LRBA: variants seen among roughly 807,000 people sequenced by gnomAD.
LRBA encodes the protein lipopolysaccharide-responsive and beige-like anchor protein.
Under a neutral mutation model 330.0 loss-of-function variants are expected in LRBA, and 176 were observed. That is an observed-to-expected ratio of 0.53 (90% CI 0.47 to 0.60). The LOEUF (loss-of-function observed/expected upper bound fraction) is 0.60. Ranked by LOEUF, LRBA falls within the 20% of genes least tolerant of loss-of-function variation. The pLI, the probability that LRBA is intolerant of heterozygous loss-of-function variation, is 0.00. For missense variants in LRBA, 3,259 were observed against 3,444.8 expected (o/e 0.95, Z 1.35); for synonymous variants, 1,230 against 1,193.0 (o/e 1.03, Z -0.64).
chr4:150,331,545 C>T (rs571544271), intron 48 of LRBA, among the ~76,000 whole-genome samples: 56 of 152,204 alleles, frequency 3.7e-4, no homozygotes, highest in South Asian at 3.5e-3. Context: ...ATCTTAAAGT[C>T]GGGTCAATCT....
chr4:150,448,193 T>C (rs1281707979), intron 44 of LRBA, among the ~76,000 whole-genome samples: 4 of 152,272 alleles, frequency 2.6e-5, no homozygotes, highest in South Asian at 2.1e-4. Context: ...ATTAATGGGA[T>C]TGTATCTAAG....
Position 150,700,671 on chromosome 4 carries a change from ACT to A in LRBA, c.5755-16956_5755-16955del, listed in dbSNP as rs201117266. Among the ~76,000 whole-genome samples the A allele has an allele frequency of 2.5e-4, 38 of 151,798 alleles. No homozygotes were observed. In the East Asian group the frequency reaches 6.4e-3, roughly 25 times the overall value. On this transcript the variant is annotated intron_variant, in intron 36 of 56. Coordinates refer to ENST00000651943, the MANE Select transcript of LRBA (RefSeq NM_001364905.1). ...ACTTAAAATTTTTTAAAATTGTTTA[ACT>A]CTTTTTTAATAACACAGTTTAAAAT...
intron 44 of LRBA, among the ~76,000 whole-genome samples, chr4:150,442,103 T>C (rs1751918381): frequency 6.6e-6 from 1 of 152,132 alleles, no homozygotes; most frequent in African/African-American, 2.4e-5. Context: ...GTAAGAAAGT[T>C]CTGGGAAATT....
chr4:150,305,123 G>A (rs545936071), intron 52 of LRBA, among the ~76,000 whole-genome samples: 2 of 152,310 alleles, frequency 1.3e-5, no homozygotes, highest in African/African-American at 4.8e-5. Flanking sequence ...GGTACTTGAG[G>A]TAGACGACAT....
intron 11 of LRBA, among the ~76,000 whole-genome samples, chr4:150,906,695 A>G (rs965401144): frequency 1.1e-4 from 16 of 152,228 alleles, no homozygotes; most frequent in African/African-American, 3.9e-4. Flanking sequence ...GCAACTTCCA[A>G]AAACAACCAA....
At chr4:150,575,162 C>CT (rs1416338538) in intron 40 of LRBA, among the ~76,000 whole-genome samples, 1 of 151,810 alleles carries the variant, frequency 6.6e-6, no homozygotes, top group Non-Finnish European at 1.5e-5. Context: ...TATATCCTAG[C>CT]TTTATATCAG....
intron 40 of LRBA, among the ~76,000 whole-genome samples, chr4:150,528,918 C>T (rs1581590610): frequency 6.6e-6 from 1 of 152,104 alleles, no homozygotes; most frequent in African/African-American, 2.4e-5. Flanking sequence ...ATATGAGATG[C>T]TAAATTACAA....
intron 40 of LRBA, among the ~76,000 whole-genome samples, chr4:150,529,073 T>C (rs1763785602): frequency 6.6e-6 from 1 of 152,204 alleles, no homozygotes; most frequent in African/African-American, 2.4e-5. Context: ...CCAGGACTTA[T>C]GGGTTTAAAA....
At chr4:150,572,405 G>T (rs1459622080) in intron 40 of LRBA, among the ~76,000 whole-genome samples, 1 of 152,046 alleles carries the variant, frequency 6.6e-6, no homozygotes, top group Non-Finnish European at 1.5e-5. Flanking sequence ...TATAACAGGA[G>T]TATCTTTGAT....
intron 37 of LRBA, among the ~76,000 whole-genome samples, chr4:150,649,418 C>T (rs2126762026): frequency 6.6e-6 from 1 of 152,298 alleles, no homozygotes; most frequent in South Asian, 2.1e-4. Flanking sequence ...ACATGCTCTT[C>T]TATCTGCTTT....
At chr4:150,803,125 A>AAT (rs892390795) in intron 33 of LRBA, among the ~76,000 whole-genome samples, 2 of 149,732 alleles carry the variant, frequency 1.3e-5, no homozygotes, top group Non-Finnish European at 3.0e-5. Context: ...TACACACACA[A>AAT]ATATATATAT....
chr4:150,778,117 C>T (rs1222256839), intron 34 of LRBA, among the ~76,000 whole-genome samples: 1 of 151,862 alleles, frequency 6.6e-6, no homozygotes, highest in East Asian at 1.9e-4. Context: ...TCATATCTAA[C>T]ACAAACTTAA....
At chr4:150,279,587 C>T (rs1747245022) in intron 55 of LRBA, among the ~76,000 whole-genome samples, 1 of 152,178 alleles carries the variant, frequency 6.6e-6, no homozygotes, top group Admixed American at 6.5e-5. Context: ...CATAGAAAGG[C>T]AAAGACTTTC....
At chr4:150,432,125 T>A (rs1750465040) in intron 46 of LRBA, among the ~76,000 whole-genome samples, 1 of 152,124 alleles carries the variant, frequency 6.6e-6, no homozygotes, top group South Asian at 2.1e-4. Flanking sequence ...TTCTTATTTT[T>A]TTCTTTCTGA....
At chr4:150,573,125 C>CT (rs1165628245) in intron 40 of LRBA, among the ~76,000 whole-genome samples, 1 of 152,124 alleles carries the variant, frequency 6.6e-6, no homozygotes, top group African/African-American at 2.4e-5. Flanking sequence ...TATGGACTAG[C>CT]TGAACACACC....
chr4:150,553,703 T>C (rs1274626820), intron 40 of LRBA, among the ~76,000 whole-genome samples: 4 of 152,116 alleles, frequency 2.6e-5, no homozygotes, highest in Non-Finnish European at 5.9e-5. Flanking sequence ...AGGAGTCAAA[T>C]CCCACTTCTG....
intron 40 of LRBA, among the ~76,000 whole-genome samples, chr4:150,491,799 T>A (rs1255632504): frequency 6.6e-6 from 1 of 152,122 alleles, no homozygotes; most frequent in Non-Finnish European, 1.5e-5. Flanking sequence ...GTTTTGTTTT[T>A]CAAAACGTTC....
chr4:150,859,600 T>C (rs1194810236), intron 22 of LRBA, among the ~76,000 whole-genome samples: 1 of 152,228 alleles, frequency 6.6e-6, no homozygotes, highest in Non-Finnish European at 1.5e-5. Flanking sequence ...GAAGAGCCTA[T>C]TACTGCTTAT....
rs549350501 is a variant in LRBA at position 150,284,661 on chromosome 4, G to C, written c.8119+1272C>G. Among the ~76,000 whole-genome samples the C allele has an allele frequency of 3.3e-5, 5 of 152,060 alleles. No individual in the cohort carries two copies. In the South Asian group the frequency reaches 8.3e-4, roughly 25 times the overall value. On this transcript the variant is annotated intron_variant, in intron 54 of 56. Transcript: ENST00000651943. ...CCCATCTCACCTTCCCAAGCAGCTG[G>C]GACTACAGGTGTGCACCCCATGCCC...
Sources: gnomAD v4.1 joint callset for allele counts (sites outside exome capture counted in the v4.1 genomes callset) on GRCh38, gnomAD v4.1.1 for gene constraint, MANE v1.5 for transcripts, NCBI Gene and HGNC (gene_info 2026-07-23, HGNC 2026-07-21) for gene names.